ARHGAP39: variants seen among roughly 807,000 people sequenced by gnomAD.
The protein encoded by ARHGAP39 is rho GTPase-activating protein 39.
A neutral mutation model predicts 106.9 loss-of-function variants in ARHGAP39; 44 were observed. That is an observed-to-expected ratio of 0.41 (90% CI 0.32 to 0.53). The LOEUF is 0.53. ARHGAP39 is among the 20% of genes least tolerant of loss of function. ARHGAP39 has a pLI of 0.21. For missense variants in ARHGAP39, 1,496 were observed against 1,577.3 expected (o/e 0.95, Z 0.87); for synonymous variants, 768 against 693.2 (o/e 1.11, Z -1.69).
At position 144,684,989 on chromosome 8, in the gene ARHGAP39, G is replaced by C. The variant is rs1052425055; in HGVS notation, c.-82+697C>G. ...AGGACGCGGGCACCAGACCCGACCG[G>C]CGGGCATCCACCTTGTCCCCACTCC... On this transcript the variant is annotated intron_variant, in intron 1 of 11. Coordinates refer to ENST00000377307, the MANE Select transcript of ARHGAP39 (RefSeq NM_025251.3). This position sits in a 1 kb window ranked among gnomAD's most constrained non-coding sequence, Gnocchi z 4.4. Among the ~76,000 whole-genome samples, 3 of 152,192 alleles carry C rather than the reference G, an allele frequency of 2.0e-5. No individual in the cohort carries two copies. Among genetic ancestry groups the C allele is most frequent in the Non-Finnish European group, 4.4e-5 (3 of 68,032 alleles).
Position 144,545,725 on chromosome 8 carries a change from G to C in ARHGAP39, c.2045C>G (p.Thr682Ser), listed in dbSNP as rs1228835055. ...CGAGGAGGGCTTGCGCAGCGTGAAA[G>C]TGGGGAAGACGCAGCTGGAGCTGGG... is the stretch of plus-strand genomic sequence containing the variant. ...GVPSSSCVFP[T>S]FTLRKPSSET... is the part of the protein sequence containing the mutation. Residue 682 changes from threonine (T) to serine (S), a missense_variant, in exon 6 of 12, where the codon ACT becomes AGT. Thr to Ser is a moderately conservative substitution (Grantham distance 58, BLOSUM62 1). This residue lies in a region of ARHGAP39 where 905 missense variants were observed against 816.4 expected (regional missense o/e 1.11). Coordinates refer to ENST00000377307, the MANE Select transcript of ARHGAP39 (RefSeq NM_025251.3). 6.2e-7 allele frequency: 1 copy of C among 1,612,570 alleles called. No homozygotes were observed. Among genetic ancestry groups the C allele is most frequent in the African/African-American group, 1.3e-5 (1 of 75,074 alleles).
chr8:144,561,604 GCGCTC>G (rs1818163376), intron 3 of ARHGAP39, among the ~76,000 whole-genome samples: 1 of 112,654 alleles, frequency 8.9e-6, no homozygotes, highest in African/African-American at 3.1e-5. Flanking sequence ...GGTTTCCATC[GCGCTC>G]CAGTGGTTTC....
At chr8:144,698,994 G>T in the ARHGAP39 span, 4 of 413,532 alleles carry the variant, frequency 9.7e-6, 1 homozygote, top group South Asian at 5.2e-5. Context: ...CTTTGGAGTG[G>T]CCCATCCATA....
rs537042371 is a variant in ARHGAP39, at chr8:144,671,746, G to A, written c.-82+13940C>T. Among the ~76,000 whole-genome samples the A allele has an allele frequency of 2.6e-5, 4 of 152,188 alleles. No homozygotes were observed. The highest frequency in any genetic ancestry group is 4.4e-5 in the Non-Finnish European group (3 of 68,018). On this transcript the variant is annotated intron_variant, in intron 1 of 11. Coordinates refer to ENST00000377307, the MANE Select transcript of ARHGAP39 (RefSeq NM_025251.3). This position sits in a 1 kb window ranked among gnomAD's most constrained non-coding sequence, Gnocchi z 4.5. ...GTTCTCCCTACGACCCCAGGCACACGGCCACCTCTGCTGTCCACAGGATGT... is the reference window on the plus strand; with the variant it reads ...GTTCTCCCTACGACCCCAGGCACACAGCCACCTCTGCTGTCCACAGGATGT...
intron 1 of ARHGAP39, among the ~76,000 whole-genome samples, chr8:144,668,110 G>A (rs1408953930): frequency 2.0e-5 from 3 of 151,878 alleles, no homozygotes; most frequent in East Asian, 3.9e-4. Context: ...TGGAATAGAA[G>A]TTATATATAT....
chr8:144,539,508 G>C (rs1241803371), intron 6 of ARHGAP39, among the ~76,000 whole-genome samples: 1 of 152,186 alleles, frequency 6.6e-6, no homozygotes, highest in Non-Finnish European at 1.5e-5. Context: ...ATTTTCTCCT[G>C]TTTTGTTCCA....
intron 7 of ARHGAP39, among the ~76,000 whole-genome samples, chr8:144,537,338 A>G (rs1027060942): frequency 6.6e-6 from 1 of 151,652 alleles, no homozygotes; most frequent in African/African-American, 2.4e-5. Context: ...GGAAGACAGG[A>G]CTGAGGGGTG....
chr8:144,565,031 A>G (rs1367851055), intron 3 of ARHGAP39, among the ~76,000 whole-genome samples: 1 of 151,150 alleles, frequency 6.6e-6, no homozygotes, highest in Non-Finnish European at 1.5e-5. Context: ...ACTCGCTTGA[A>G]CCCGGGAGGC....
In ARHGAP39 at chr8:144,530,157, C is replaced by A; in HGVS notation, c.*265G>T. 1 of 513,642 alleles carries A rather than the reference C, an allele frequency of 1.9e-6. No individual in the cohort carries two copies. The highest frequency in any genetic ancestry group is 2.5e-5 in the South Asian group (1 of 39,538). The allele number at this position is 513,642 out of a possible 1,614,324, so 31.8% of individuals were successfully genotyped here. A position where few individuals can be genotyped will look rare whatever the true frequency, so the allele number is the denominator to read the frequency against. ...AGAAGGCACTTTCTCGGAGCTGACC[C>A]GCGGCCAGCGGAGGGCGAGGCGGTG... On this transcript the variant is annotated 3_prime_UTR_variant, in exon 12 of 12. Transcript: ENST00000377307.
intron 1 of ARHGAP39, among the ~76,000 whole-genome samples, chr8:144,621,382 G>A (rs1423969964): frequency 1.3e-5 from 2 of 152,266 alleles, no homozygotes; most frequent in African/African-American, 2.4e-5. Context: ...GTTCCCAGGG[G>A]TGGGAAAACC....
chr8:144,637,012 T>C (rs1821187996), intron 1 of ARHGAP39, among the ~76,000 whole-genome samples: 1 of 152,248 alleles, frequency 6.6e-6, no homozygotes, highest in Admixed American at 6.5e-5. Context: ...CTTCAATCTG[T>C]TCTCAGGGTC....
At chr8:144,614,228 G>T (rs1435468695) in intron 1 of ARHGAP39, among the ~76,000 whole-genome samples, 1 of 152,114 alleles carries the variant, frequency 6.6e-6, no homozygotes, top group African/African-American at 2.4e-5. Flanking sequence ...AGTTTTGATG[G>T]ATTTTTCACT....
At chr8:144,560,740 G>A (rs1818111610) in intron 3 of ARHGAP39, among the ~76,000 whole-genome samples, 1 of 152,184 alleles carries the variant, frequency 6.6e-6, no homozygotes, top group East Asian at 1.9e-4. Context: ...ATGTTCCTGA[G>A]GCGGTGATGC....
At chr8:144,581,689 C>G (rs1023203422) in intron 2 of ARHGAP39, among the ~76,000 whole-genome samples, 1 of 152,232 alleles carries the variant, frequency 6.6e-6, no homozygotes, top group Non-Finnish European at 1.5e-5. Flanking sequence ...CACCTCCACA[C>G]TGGGTCGGGG....
At position 144,547,201 on chromosome 8, in the gene ARHGAP39, G is replaced by C. The variant is rs147081532; in HGVS notation, c.1885C>G (p.Gln629Glu). ...GAGACGCTCTTCTCCAGCAGGATCT[G>C]GGGGAAGCCTAGCTTCTCGAAGGTG... ...RGTFEKLGFP[Q>E]ILLEKSVSVQ... Residue 629 changes from glutamine to glutamate, a missense_variant, in exon 5 of 12, where the codon CAG (glutamine) becomes GAG (glutamate). Physicochemically the swap from Gln to Glu is conservative, Grantham distance 29. This residue lies in a region of ARHGAP39 where 905 missense variants were observed against 816.4 expected (regional missense o/e 1.11). Coordinates refer to ENST00000377307, the MANE Select transcript of ARHGAP39 (RefSeq NM_025251.3). This position sits in a 1 kb window ranked among gnomAD's most constrained non-coding sequence, Gnocchi z 5.2. The C allele has an allele frequency of 2.5e-6, 4 of 1,612,288 alleles. No homozygotes were observed. The African/African-American group carries it at 5.3e-5, about 22-fold the overall frequency.
At chr8:144,603,614 C>T (rs992344718) in intron 2 of ARHGAP39, among the ~76,000 whole-genome samples, 4 of 149,942 alleles carry the variant, frequency 2.7e-5, no homozygotes, top group Non-Finnish European at 5.9e-5. Flanking sequence ...TGCTTCAACC[C>T]GGGAGGCGGA....
intron 2 of ARHGAP39, among the ~76,000 whole-genome samples, chr8:144,599,039 A>G (rs1483793817): frequency 1.3e-5 from 2 of 152,152 alleles, no homozygotes; most frequent in African/African-American, 4.8e-5. Flanking sequence ...CTGCATGGAG[A>G]CCCCAGGCAC....
At chr8:144,652,212 C>A (rs757705511) in intron 1 of ARHGAP39, among the ~76,000 whole-genome samples, 1 of 151,560 alleles carries the variant, frequency 6.6e-6, no homozygotes, top group Non-Finnish European at 1.5e-5. Flanking sequence ...GTGCAAGACC[C>A]CGTCTCAAAA....
At chr8:144,643,499 C>A (rs1270680374) in intron 1 of ARHGAP39, among the ~76,000 whole-genome samples, 4 of 152,108 alleles carry the variant, frequency 2.6e-5, no homozygotes, top group African/African-American at 9.7e-5. Context: ...GAGACTGGTG[C>A]CCAGCTCTCT....
Sources: allele counts gnomAD v4.1 joint callset (sites outside exome capture counted in the v4.1 genomes callset), GRCh38; gene constraint gnomAD v4.1.1; regional missense constraint gnomAD v4.1.1; non-coding constraint Gnocchi (gnomAD v3.1); transcripts MANE v1.5; gene names NCBI Gene and HGNC (gene_info 2026-07-23, HGNC 2026-07-21).